The following GPM6B variants were observed in gnomAD, a reference collection of about 807,000 sequenced individuals.
GPM6B encodes glycoprotein M6B.
A neutral mutation model predicts 27.2 loss-of-function variants in GPM6B; 4 were observed. The ratio of observed to expected loss-of-function variants is 0.15; its 90% CI spans 0.07 to 0.34. The LOEUF (loss-of-function observed/expected upper bound fraction) is 0.34. GPM6B is among the 10% of genes least tolerant of loss of function. GPM6B has a pLI of 1.00. For synonymous variants in GPM6B, 124 were observed against 103.1 expected (o/e 1.20, Z -1.23); for missense variants, 183 against 261.9 (o/e 0.70, Z 2.08).
At chrX:13,867,808 G>A (rs775546296) in intron 1 of GPM6B, among the ~76,000 whole-genome samples, 2 of 111,940 alleles carry the variant, frequency 1.8e-5, no homozygotes, top group South Asian at 7.5e-4. Flanking sequence ...ATGGGGGTGA[G>A]GGAAGGTGGT....
chrX:13,908,219 TA>T (rs376753090), intron 1 of GPM6B, among the ~76,000 whole-genome samples: 15,331 of 109,289 alleles, frequency 0.14, 820 homozygotes, highest in Admixed American at 0.19. Flanking sequence ...AACATTGTCT[TA>T]AAAAAAATTG....
chrX:13,897,536 G>C (rs2050244488), intron 1 of GPM6B, among the ~76,000 whole-genome samples: 1 of 111,955 alleles, frequency 8.9e-6, no homozygotes, highest in Non-Finnish European at 1.9e-5. Flanking sequence ...TACATCCCAT[G>C]AAACAGGAAT....
intron 2 of GPM6B, among the ~76,000 whole-genome samples, chrX:13,805,939 C>G (rs768939753): frequency 9.0e-6 from 1 of 111,005 alleles, no homozygotes; most frequent in Non-Finnish European, 1.9e-5. Flanking sequence ...AAAAATACCC[C>G]TTTCCCCGCT....
chrX:13,929,992 C>G (rs1480729358), intron 1 of GPM6B, among the ~76,000 whole-genome samples: 1 of 112,397 alleles, frequency 8.9e-6, no homozygotes, highest in Non-Finnish European at 1.9e-5. Flanking sequence ...AAGATCTACT[C>G]TAACTCAAGA....
chrX:13,833,378 G>C (rs1327825805), intron 1 of GPM6B, among the ~76,000 whole-genome samples: 1 of 109,710 alleles, frequency 9.1e-6, no homozygotes, highest in African/African-American at 3.3e-5. Flanking sequence ...CCATATATTT[G>C]AGAATAAGAT....
intron 1 of GPM6B, among the ~76,000 whole-genome samples, chrX:13,912,744 C>T (rs1221944151): frequency 7.1e-5 from 8 of 112,392 alleles, no homozygotes; most frequent in Non-Finnish European, 1.5e-4. Context: ...AAGGTTGGAA[C>T]ATTGTAAGAA....
At chrX:13,832,237 G>A (rs964323248) in intron 1 of GPM6B, among the ~76,000 whole-genome samples, 2 of 111,520 alleles carry the variant, frequency 1.8e-5, no homozygotes, top group African/African-American at 6.5e-5. Context: ...CTACTCAAAT[G>A]AAGGGAGATG....
At chrX:13,774,595 G>C (rs1340445030) in intron 7 of GPM6B, 1 of 1,207,652 alleles carries the variant, frequency 8.3e-7, no homozygotes, top group East Asian at 3.0e-5. Flanking sequence ...AAACCGCATA[G>C]TTATATGTAG....
chrX:13,780,754 AC>A (rs201143110), intron 4 of GPM6B, among the ~76,000 whole-genome samples: 2,434 of 111,752 alleles, frequency 0.022, 57 homozygotes, highest in African/African-American at 0.065. Context: ...TGCCTTGACC[AC>A]TTTTCAGAGA....
At chrX:13,910,592 C>T (rs970548392) in intron 1 of GPM6B, among the ~76,000 whole-genome samples, 4 of 113,044 alleles carry the variant, frequency 3.5e-5, no homozygotes, top group African/African-American at 9.6e-5. Flanking sequence ...TTTACTTCGT[C>T]CTACAATCTA....
At chrX:13,899,148 T>A (rs992345750) in intron 1 of GPM6B, among the ~76,000 whole-genome samples, 1 of 110,650 alleles carries the variant, frequency 9.0e-6, no homozygotes, top group African/African-American at 3.3e-5. Flanking sequence ...TGGTGGCTCA[T>A]GCCTGTAATC....
intron 7 of GPM6B, chrX:13,773,979 T>TTTTA: frequency 2.9e-6 from 2 of 689,730 alleles, no homozygotes; most frequent in Non-Finnish European, 3.4e-6. Context: ...TTTTTTTTTT[T>TTTTA]CCAGAGAACT....
At chrX:13,884,157 G>A (rs1290972875) in intron 1 of GPM6B, among the ~76,000 whole-genome samples, 4 of 112,451 alleles carry the variant, frequency 3.6e-5, no homozygotes, top group South Asian at 3.7e-4. Flanking sequence ...CAGCCTGGGC[G>A]ACAGAGTGAG....
At chrX:13,871,985 T>C (rs1295657484) in intron 1 of GPM6B, among the ~76,000 whole-genome samples, 2 of 111,044 alleles carry the variant, frequency 1.8e-5, no homozygotes, top group Admixed American at 9.6e-5. Context: ...ATTGAGTTTA[T>C]GAAGAGCCAA....
chrX:13,857,982 C>A (rs1186030422), intron 1 of GPM6B, among the ~76,000 whole-genome samples: 1 of 112,458 alleles, frequency 8.9e-6, no homozygotes, highest in African/African-American at 3.2e-5. Context: ...TGAAAGAATA[C>A]CAGGAAGCAC....
chrX:13,809,247 T>C (rs2049080308), intron 1 of GPM6B, among the ~76,000 whole-genome samples: 1 of 111,817 alleles, frequency 8.9e-6, no homozygotes, highest in Non-Finnish European at 1.9e-5. Context: ...ACCTTAGCAA[T>C]TTCACTCAAG....
At chrX:13,869,618 C>T (rs1259301224) in intron 1 of GPM6B, among the ~76,000 whole-genome samples, 1 of 111,642 alleles carries the variant, frequency 9.0e-6, no homozygotes, top group Non-Finnish European at 1.9e-5. Flanking sequence ...GACTTCTTTA[C>T]TCTCCTTCCA....
intron 1 of GPM6B, among the ~76,000 whole-genome samples, chrX:13,920,307 A>AAAAG (rs1920957220): frequency 1.2e-5 from 1 of 82,154 alleles, no homozygotes; most frequent in Non-Finnish European, 2.8e-5. Context: ...GAAAGAAAAA[A>AAAAG]AAAGAAAGAA....
At chrX:13,832,849 CA>C (rs2049453842) in intron 1 of GPM6B, among the ~76,000 whole-genome samples, 1 of 111,566 alleles carries the variant, frequency 9.0e-6, no homozygotes, top group Non-Finnish European at 1.9e-5. Flanking sequence ...AAAGGGCAAC[CA>C]ATGAAGAGTA....
Sources: gnomAD v4.1 joint callset for allele counts (sites outside exome capture counted in the v4.1 genomes callset) on GRCh38, gnomAD v4.1.1 for gene constraint, MANE v1.5 for transcripts, NCBI Gene and HGNC (gene_info 2026-07-23, HGNC 2026-07-21) for gene names.